The following PRRC2C variants were observed in gnomAD, a reference collection of about 807,000 sequenced individuals.
The protein encoded by PRRC2C is proline rich coiled-coil 2C, also known as protein PRRC2C.
PRRC2C carries 72 observed loss-of-function variants against 317.2 expected under a neutral mutation model. The observed-to-expected ratio is 0.23, with a 90% CI of 0.19 to 0.28. The LOEUF (loss-of-function observed/expected upper bound fraction) is 0.28. Among genes scored for constraint, PRRC2C ranks in the 10% least tolerant of loss-of-function variants. PRRC2C has a pLI of 1.00. For missense variants in PRRC2C, 3,074 were observed against 3,459.7 expected, an observed-to-expected ratio of 0.89 and a Z score of 2.80; for synonymous variants, 1,296 against 1,205.9, an observed-to-expected ratio of 1.07 and a Z score of -1.55.
chr1:171,541,223 T>C lies in PRRC2C; in HGVS notation c.3757T>C (p.Phe1253Leu), dbSNP rs778929653. 9 of 1,613,272 alleles carry C rather than the reference T, an allele frequency of 5.6e-6. No homozygotes were observed. In the East Asian group the frequency reaches 2.0e-4, roughly 36 times the overall value. ...TGAAACACGGAGTGAGAGCTCTGATTTTGAAGTTGTCCCCAAAAGAAGACG... is the reference window on the plus strand; with the variant it reads ...TGAAACACGGAGTGAGAGCTCTGATCTTGAAGTTGTCCCCAAAAGAAGACG... ...ESETRSESSD[F>L]EVVPKRRRQR... The change falls in exon 16 of 35, where the codon TTT (phenylalanine) becomes CTT (leucine). Residue 1253 changes from phenylalanine (F) to leucine (L), a missense_variant. By Grantham distance (22) the Phe-to-Leu change is conservative (BLOSUM62 0). Around this residue, in one of 11 missense-constraint regions of PRRC2C, gnomAD observed 1,320 missense variants for 1,395.7 expected, o/e 0.95. Coordinates refer to ENST00000647382, the MANE Select transcript of PRRC2C (RefSeq NM_001387844.1). The surrounding 1 kb of genome is among the most constrained non-coding windows in gnomAD (Gnocchi z 4.1).
Position 171,513,050 on chromosome 1 carries a change from G to A in PRRC2C, c.168G>A (p.Met56Ile). The change falls in exon 3 of 35, where the codon ATG becomes ATA. Residue 56 changes from methionine to isoleucine, a missense_variant. This residue lies in a region of PRRC2C where 71 missense variants were observed against 118.9 expected (regional missense o/e 0.60). Transcript: ENST00000647382. ...GAAAAGTCGGTATTTCACGGCGTAT[G>A]CCTCCACCTGCTAACCTCCCAAGTC... Reference protein sequence around the residue: ...SLGKVGISRRMPPPANLPSLK... With the variant: ...SLGKVGISRRIPPPANLPSLK... 1 of 1,613,810 alleles carries A rather than the reference G, an allele frequency of 6.2e-7. No homozygotes were observed. Among genetic ancestry groups the A allele is most frequent in the Non-Finnish European group, 8.5e-7 (1 of 1,179,792 alleles).
At chr1:171,550,801 C>T (rs569911510) in intron 18 of PRRC2C, among the ~76,000 whole-genome samples, 43 of 152,220 alleles carry the variant, frequency 2.8e-4, no homozygotes, top group Non-Finnish European at 5.1e-4. Context: ...ATGAACTCAT[C>T]CTTTTTTATG....
rs1262382989 is a variant in PRRC2C, at chr1:171,579,457, T to C, written c.7263T>C (p.Gly2421=). The C allele has an allele frequency of 6.2e-7, 1 of 1,613,340 alleles. No individual in the cohort carries two copies. Among genetic ancestry groups the C allele is most frequent in the Non-Finnish European group, 8.5e-7 (1 of 1,179,844 alleles). Reference sequence around the variant, plus strand: ...CTCAACAACAGGGTTTCCAACCAGGTCTCTCTCAGGTAATATCAAAGACTT... The same window carrying C: ...CTCAACAACAGGGTTTCCAACCAGGCCTCTCTCAGGTAATATCAAAGACTT... The part of the protein sequence containing the change: ...SLAQQQGFQP[G]LSQPTSVQQI... Residue 2421 remains glycine (G), a synonymous_variant, in exon 27 of 35, where the codon GGT becomes GGC. Coordinates refer to ENST00000647382, the MANE Select transcript of PRRC2C (RefSeq NM_001387844.1).
intron 7 of PRRC2C, chr1:171,522,498 G>A (rs751999419): frequency 2.0e-4 from 49 of 246,262 alleles, no homozygotes; most frequent in Admixed American, 4.8e-4. Context: ...GGCCGGGGAC[G>A]GTGGCTCACC....
At chr1:171,507,367 T>A (rs558844810) in intron 1 of PRRC2C, among the ~76,000 whole-genome samples, 1 of 152,246 alleles carries the variant, frequency 6.6e-6, no homozygotes, top group African/African-American at 2.4e-5. Flanking sequence ...TCGCAGCACT[T>A]TGGGAGGCCG....
chr1:171,513,661 A>C (rs58080610), intron 3 of PRRC2C, among the ~76,000 whole-genome samples: 1 of 152,346 alleles, frequency 6.6e-6, no homozygotes, highest in East Asian at 1.9e-4. Flanking sequence ...TTCAACAACT[A>C]TTTAGACTTC....
At position 171,512,015 on chromosome 1, in the gene PRRC2C, C is replaced by T; in HGVS notation, c.-57-17C>T. The T allele has an allele frequency of 1.4e-6, 1 of 738,156 alleles. No individual in the cohort carries two copies. Among genetic ancestry groups the T allele is most frequent in the Non-Finnish European group, 2.1e-6 (1 of 468,728 alleles). The allele number at this position is 738,156 out of a possible 1,614,324, so 45.7% of individuals were successfully genotyped here. On this transcript the variant is annotated splice_polypyrimidine_tract_variant and intron_variant, in intron 1 of 34. Transcript: ENST00000647382. ...GAGTTTTTCATCCTTATTTTTCTTTCTTATGTACATCTTAAGGACTGGGGT... is the reference window on the plus strand; with the variant it reads ...GAGTTTTTCATCCTTATTTTTCTTTTTTATGTACATCTTAAGGACTGGGGT...
chr1:171,555,298 G>C (rs910298216), intron 18 of PRRC2C, among the ~76,000 whole-genome samples: 26 of 152,174 alleles, frequency 1.7e-4, no homozygotes, highest in Non-Finnish European at 2.5e-4. Flanking sequence ...CTCGTGCCAT[G>C]GTTTTCAGCT....
Position 171,517,753 on chromosome 1 carries a change from C to G in PRRC2C, c.689C>G (p.Ala230Gly), listed in dbSNP as rs1672641848. 1 of 1,613,688 alleles carries G rather than the reference C, an allele frequency of 6.2e-7. No homozygotes were observed. The highest frequency in any genetic ancestry group is 8.5e-7 in the Non-Finnish European group (1 of 1,179,874). Reference sequence around the variant, plus strand: ...AGGATAGCTTGTGGTCCTCCACAGGCTAAACTGAATGGACAGCAGGCTGCT... The same window carrying G: ...AGGATAGCTTGTGGTCCTCCACAGGGTAAACTGAATGGACAGCAGGCTGCT... ...EKRIACGPPQ[A>G]KLNGQQAALA... The change falls in exon 6 of 35, where the codon GCT becomes GGT. Residue 230 changes from alanine (A) to glycine (G), a missense_variant. By Grantham distance (60) the Ala-to-Gly change is moderately conservative. Transcript: ENST00000647382.
chr1:171,570,302 T>C (rs1684551096), intron 23 of PRRC2C, among the ~76,000 whole-genome samples: 1 of 152,218 alleles, frequency 6.6e-6, no homozygotes, highest in South Asian at 2.1e-4. Flanking sequence ...CTTTTGTCTT[T>C]CTTAATTATA....
At chr1:171,504,181 A>G (rs1259798791) in intron 1 of PRRC2C, among the ~76,000 whole-genome samples, 3 of 152,150 alleles carry the variant, frequency 2.0e-5, no homozygotes, top group African/African-American at 4.8e-5. Flanking sequence ...AGAGTTTTGT[A>G]TGTATTCTTG....
intron 20 of PRRC2C, among the ~76,000 whole-genome samples, chr1:171,561,902 T>G (rs1682790004): frequency 6.6e-6 from 1 of 152,184 alleles, no homozygotes. Context: ...CACAGTATTC[T>G]AGGTAGTGTT....
chr1:171,526,077 A>G (rs1393139857), intron 10 of PRRC2C, among the ~76,000 whole-genome samples: 2 of 152,222 alleles, frequency 1.3e-5, no homozygotes, highest in African/African-American at 4.8e-5. Flanking sequence ...ATTTTTCATG[A>G]AAGAATAGAG....
intron 22 of PRRC2C, 93 bp downstream of exon 22, chr1:171,566,936 G>C: frequency 7.4e-7 from 1 of 1,343,380 alleles, no homozygotes; most frequent in Non-Finnish European, 1.0e-6. Context: ...TTTTTTTCCT[G>C]CTGAGGCATA....
rs148112168 is a variant in PRRC2C at position 171,548,089 on chromosome 1, C to T, written c.4973-1997C>T. On this transcript the variant is annotated intron_variant, in intron 17 of 34. Transcript: ENST00000647382. ...CAAGCGATTCTCCTACCTCAACCTT[C>T]TGAATAGGTGGGACTACAGGCGCGC... Among the ~76,000 whole-genome samples the T allele has an allele frequency of 1.1e-3, 165 of 152,328 alleles. 1 individual carries two copies. The highest frequency in any genetic ancestry group is 3.4e-3 in the Middle Eastern group (1 of 294).
chr1:171,523,995 C>T (rs1674087341), intron 9 of PRRC2C, among the ~76,000 whole-genome samples: 1 of 151,560 alleles, frequency 6.6e-6, no homozygotes, highest in African/African-American at 2.4e-5. Flanking sequence ...AAGATCATGC[C>T]ACTGCACTCC....
intron 1 of PRRC2C, among the ~76,000 whole-genome samples, chr1:171,503,050 A>G (rs1242859645): frequency 2.6e-5 from 4 of 152,156 alleles, no homozygotes; most frequent in Non-Finnish European, 4.4e-5. Flanking sequence ...TAAGGTTTTA[A>G]TGTCCAATGG....
Position 171,540,809 on chromosome 1 carries a change from G to A in PRRC2C, c.3343G>A (p.Val1115Ile), listed in dbSNP as rs1337720450. Residue 1115 changes from valine (V) to isoleucine (I), a missense_variant, in exon 16 of 35, where the codon GTT (valine) becomes ATT (isoleucine). Coordinates refer to ENST00000647382, the MANE Select transcript of PRRC2C (RefSeq NM_001387844.1). ...TEKPLEPVSTVQVEPAVKTVN... is the reference protein window; with the variant it reads ...TEKPLEPVSTIQVEPAVKTVN... ...GAAGCCTCTGGAACCTGTGAGTACT[G>A]TTCAGGTAGAGCCTGCAGTTAAGAC... The A allele has an allele frequency of 4.3e-6, 7 of 1,613,780 alleles. No homozygotes were observed. The Admixed American group carries it at 1.0e-4, about 23-fold the overall frequency.
chr1:171,584,669 C>G, intron 30 of PRRC2C, 143 bp downstream of exon 30: 1 of 943,726 alleles, frequency 1.1e-6, no homozygotes, highest in Non-Finnish European at 1.5e-6. Flanking sequence ...CTGAAGAATT[C>G]CACTGGGTCC....
Sources: gnomAD v4.1 joint callset for allele counts (sites outside exome capture counted in the v4.1 genomes callset) on GRCh38, gnomAD v4.1.1 for gene constraint, gnomAD v4.1.1 regional missense constraint, Gnocchi (gnomAD v3.1) non-coding constraint, MANE v1.5 for transcripts, NCBI Gene and HGNC (gene_info 2026-07-23, HGNC 2026-07-21) for gene names.